The following GRIN2A variants were observed in gnomAD, a reference collection of about 807,000 sequenced individuals.
GRIN2A encodes the protein glutamate ionotropic receptor NMDA type subunit 2A.
Under a neutral mutation model 113.4 loss-of-function variants are expected in GRIN2A, and 22 were observed. The observed-to-expected ratio is 0.19, with a 90% confidence interval of 0.14 to 0.28. The LOEUF is 0.28. Among genes scored for constraint, GRIN2A ranks in the 10% least tolerant of loss-of-function variants. The pLI, the probability that GRIN2A is intolerant of heterozygous loss-of-function variation, is 1.00. For missense variants in GRIN2A, 1,502 were observed against 1,887.0 expected (o/e 0.80, Z 3.78); for synonymous variants, 827 against 738.4 (o/e 1.12, Z -1.94).
At chr16:9,935,793 T>C (rs2044701232) in intron 3 of GRIN2A, among the ~76,000 whole-genome samples, 2 of 152,004 alleles carry the variant, frequency 1.3e-5, no homozygotes, top group Non-Finnish European at 2.9e-5. Context: ...CCTCTCCCTC[T>C]TGGGTTCAAG....
At chr16:10,174,418 A>C (rs764894009) in intron 2 of GRIN2A, among the ~76,000 whole-genome samples, 22 of 152,240 alleles carry the variant, frequency 1.4e-4, no homozygotes, top group Admixed American at 2.6e-4. Context: ...AGTTGCCTTG[A>C]AAATAAGTTC....
At chr16:10,089,516 C>G (rs753994018) in intron 2 of GRIN2A, among the ~76,000 whole-genome samples, 2 of 151,816 alleles carry the variant, frequency 1.3e-5, no homozygotes, top group African/African-American at 4.8e-5. Flanking sequence ...GGTTTAGGAA[C>G]GATTTTTCTA....
At chr16:10,152,264 C>G (rs1321975030) in intron 2 of GRIN2A, among the ~76,000 whole-genome samples, 1 of 152,010 alleles carries the variant, frequency 6.6e-6, no homozygotes, top group Non-Finnish European at 1.5e-5. Flanking sequence ...GGTTAAAATA[C>G]AAACACCCCA....
At chr16:10,163,566 T>C (rs1212350155) in intron 2 of GRIN2A, among the ~76,000 whole-genome samples, 1 of 152,172 alleles carries the variant, frequency 6.6e-6, no homozygotes, top group Non-Finnish European at 1.5e-5. Context: ...GCTTCCGTTT[T>C]GCTTGTGAAT....
chr16:10,177,204 T>C (rs1347446279), intron 2 of GRIN2A, among the ~76,000 whole-genome samples: 1 of 152,218 alleles, frequency 6.6e-6, no homozygotes, highest in Non-Finnish European at 1.5e-5. Flanking sequence ...ATGTTACTAA[T>C]GGAAGGAAGG....
At chr16:10,052,632 G>T (rs1032277769) in intron 2 of GRIN2A, among the ~76,000 whole-genome samples, 13 of 152,308 alleles carry the variant, frequency 8.5e-5, no homozygotes, top group African/African-American at 2.9e-4. Flanking sequence ...CCCGGAAAAT[G>T]TAGGTCCTGT....
At chr16:10,124,619 C>A (rs902746181) in intron 2 of GRIN2A, among the ~76,000 whole-genome samples, 2 of 152,122 alleles carry the variant, frequency 1.3e-5, no homozygotes, top group Non-Finnish European at 2.9e-5. Context: ...TGAGACGGAG[C>A]TGGGAGATGG....
At chr16:10,062,997 G>C (rs987360122) in intron 2 of GRIN2A, among the ~76,000 whole-genome samples, 1 of 152,068 alleles carries the variant, frequency 6.6e-6, no homozygotes, top group Non-Finnish European at 1.5e-5. Context: ...GTGGTGGATT[G>C]GATAAAGAAA....
At chr16:10,077,078 T>C (rs1321204321) in intron 2 of GRIN2A, among the ~76,000 whole-genome samples, 1 of 152,146 alleles carries the variant, frequency 6.6e-6, no homozygotes, top group Non-Finnish European at 1.5e-5. Context: ...GAATGCAATG[T>C]TGCTGGCACT....
At chr16:10,123,336 C>CT (rs926362171) in intron 2 of GRIN2A, among the ~76,000 whole-genome samples, 6 of 152,012 alleles carry the variant, frequency 3.9e-5, no homozygotes, top group African/African-American at 9.7e-5. Context: ...GAAGCAGCCT[C>CT]TTTTTTTTAA....
chr16:10,178,048 C>T (rs1448149747), intron 2 of GRIN2A, among the ~76,000 whole-genome samples: 2 of 152,174 alleles, frequency 1.3e-5, no homozygotes, highest in African/African-American at 4.8e-5. Flanking sequence ...CCTCATGGAT[C>T]CAGAAATTTC....
chr16:10,162,328 G>T (rs964853859), intron 2 of GRIN2A, among the ~76,000 whole-genome samples: 1 of 152,168 alleles, frequency 6.6e-6, no homozygotes, highest in African/African-American at 2.4e-5. Context: ...TTACAGAAGA[G>T]GAGTGAGGAG....
intron 2 of GRIN2A, among the ~76,000 whole-genome samples, chr16:10,071,858 A>T (rs761571294): frequency 6.6e-6 from 1 of 152,194 alleles, no homozygotes; most frequent in African/African-American, 2.4e-5. Flanking sequence ...CATCTTGTTT[A>T]ATTTTTAAGA....
intron 5 of GRIN2A, among the ~76,000 whole-genome samples, chr16:9,841,767 A>G (rs2042683698): frequency 6.6e-6 from 1 of 152,204 alleles, no homozygotes; most frequent in African/African-American, 2.4e-5. Flanking sequence ...TGTGACATGT[A>G]GTATAAAAGG....
chr16:9,780,553 G>T (rs1346187891), intron 11 of GRIN2A, among the ~76,000 whole-genome samples: 3 of 152,250 alleles, frequency 2.0e-5, no homozygotes, highest in Non-Finnish European at 2.9e-5. Flanking sequence ...TTGATTACTT[G>T]TGGGGGGCAT....
intron 2 of GRIN2A, among the ~76,000 whole-genome samples, chr16:10,026,869 A>AG (rs1258443884): frequency 5.3e-5 from 8 of 152,174 alleles, no homozygotes; most frequent in African/African-American, 1.9e-4. Flanking sequence ...CTGCACTTCC[A>AG]GTCCCCTCTC....
chr16:10,026,290 G>C (rs1045395493), intron 2 of GRIN2A, among the ~76,000 whole-genome samples: 1 of 152,104 alleles, frequency 6.6e-6, no homozygotes, highest in Non-Finnish European at 1.5e-5. Context: ...TGTATAACAA[G>C]AGTAATAAAA....
chr16:9,870,757 C>T (rs1351094364), intron 4 of GRIN2A, among the ~76,000 whole-genome samples: 1 of 152,034 alleles, frequency 6.6e-6, no homozygotes, highest in Non-Finnish European at 1.5e-5. Flanking sequence ...CCTGCCTCAG[C>T]CTCCTGAGTA....
At chr16:9,805,121 C>T (rs1197204569) in intron 10 of GRIN2A, among the ~76,000 whole-genome samples, 1 of 152,114 alleles carries the variant, frequency 6.6e-6, no homozygotes, top group East Asian at 1.9e-4. Flanking sequence ...AGACTGTTTA[C>T]TGGCAAATCT....
Sources: gnomAD v4.1 joint callset for allele counts (sites outside exome capture counted in the v4.1 genomes callset) on GRCh38, gnomAD v4.1.1 for gene constraint, MANE v1.5 for transcripts, NCBI Gene and HGNC (gene_info 2026-07-23, HGNC 2026-07-21) for gene names.